NOS1AP: variants seen among roughly 807,000 people sequenced by gnomAD.
NOS1AP encodes the protein carboxyl-terminal PDZ ligand of neuronal nitric oxide synthase protein.
Under a neutral mutation model 56.2 loss-of-function variants are expected in NOS1AP, and 21 were observed. The ratio of observed to expected loss-of-function variants is 0.37; its 90% CI spans 0.26 to 0.54. The LOEUF (loss-of-function observed/expected upper bound fraction) is 0.54, where lower values mean the gene tolerates loss of function less well. NOS1AP is among the 20% of genes least tolerant of loss of function. The pLI is 0.84. For missense variants in NOS1AP, 522 were observed against 657.8 expected (o/e 0.79, Z 2.26); for synonymous variants, 270 against 274.6 (o/e 0.98, Z 0.17).
chr1:162,240,409 A>G (rs1038104777), intron 2 of NOS1AP, among the ~76,000 whole-genome samples: 14 of 152,308 alleles, frequency 9.2e-5, no homozygotes, highest in Admixed American at 5.9e-4. Flanking sequence ...TTTTTGGCTT[A>G]TACATTCTGC....
chr1:162,305,132 A>G (rs1273209577), intron 4 of NOS1AP, among the ~76,000 whole-genome samples: 1 of 152,144 alleles, frequency 6.6e-6, no homozygotes, highest in East Asian at 1.9e-4. Flanking sequence ...TTGTGGTGAA[A>G]TAAATATATA....
intron 2 of NOS1AP, among the ~76,000 whole-genome samples, chr1:162,164,375 C>T (rs1157872134): frequency 2.0e-5 from 3 of 152,206 alleles, no homozygotes; most frequent in Non-Finnish European, 4.4e-5. Flanking sequence ...ACACACACAA[C>T]ATAATTATCA....
chr1:162,311,837 G>T (rs1210269027), intron 4 of NOS1AP, among the ~76,000 whole-genome samples: 3 of 143,154 alleles, frequency 2.1e-5, no homozygotes, highest in Non-Finnish European at 4.6e-5. Context: ...GCGGTGTTTG[G>T]TTTTTTGTTC....
intron 1 of NOS1AP, among the ~76,000 whole-genome samples, chr1:162,117,931 A>G (rs1571026684): frequency 6.6e-6 from 1 of 152,288 alleles, no homozygotes; most frequent in South Asian, 2.1e-4. Context: ...GGACAGGTCC[A>G]CATATCTGTC....
chr1:162,273,227 G>A (rs890629464), intron 2 of NOS1AP, among the ~76,000 whole-genome samples: 1 of 144,688 alleles, frequency 6.9e-6, no homozygotes, highest in Admixed American at 7.2e-5. Flanking sequence ...GCAGTGGCGC[G>A]ATCTCGGCTC....
At position 162,367,048 on chromosome 1, in the gene NOS1AP, G is replaced by T. The variant is rs1162535929; in HGVS notation, c.1106-4G>T. 3.0e-5 allele frequency: 49 copies of T among 1,613,842 alleles called. No individual in the cohort carries two copies. Among genetic ancestry groups the T allele is most frequent in the Non-Finnish European group, 4.1e-5 (48 of 1,180,000 alleles). ...CCCTCTGCTACCTCTTGTCTCCCCT[G>T]CAGTGGGCTCCCAGGACAGCTTGCT... On this transcript the variant is annotated splice_region_variant and splice_polypyrimidine_tract_variant and intron_variant, in intron 9 of 9. Transcript: ENST00000361897. The surrounding 1 kb of genome is among the most constrained non-coding windows in gnomAD (Gnocchi z 6.5).
chr1:162,182,421 G>A (rs1651292887), intron 2 of NOS1AP, among the ~76,000 whole-genome samples: 1 of 152,186 alleles, frequency 6.6e-6, no homozygotes, highest in Admixed American at 6.5e-5. Context: ...TGATGTTGAT[G>A]GCTACTGACT....
chr1:162,365,349 C>A, intron 8 of NOS1AP, 55 bp from the exon 9 acceptor site: 2 of 1,612,332 alleles, frequency 1.2e-6, no homozygotes, highest in South Asian at 1.1e-5. Flanking sequence ...CATGTGCATT[C>A]ATGTCCCTCT....
intron 1 of NOS1AP, among the ~76,000 whole-genome samples, chr1:162,109,999 A>G (rs1647652905): frequency 6.6e-6 from 1 of 152,290 alleles, no homozygotes; most frequent in Admixed American, 6.5e-5. Context: ...CCTGTTTTCC[A>G]ATTTCCAAAT....
intron 2 of NOS1AP, among the ~76,000 whole-genome samples, chr1:162,277,423 A>T (rs959191558): frequency 6.6e-6 from 1 of 151,824 alleles, no homozygotes; most frequent in Non-Finnish European, 1.5e-5. Flanking sequence ...ACCTTTCATT[A>T]TACCACGAAT....
At chr1:162,310,793 C>A (rs1656000984) in intron 4 of NOS1AP, among the ~76,000 whole-genome samples, 1 of 152,144 alleles carries the variant, frequency 6.6e-6, no homozygotes. Context: ...CCCTCACTTT[C>A]CATAGGTGAC....
At chr1:162,143,578 C>T (rs1320219828) in intron 1 of NOS1AP, among the ~76,000 whole-genome samples, 1 of 152,140 alleles carries the variant, frequency 6.6e-6, no homozygotes, top group African/African-American at 2.4e-5. Flanking sequence ...CCATGGCCTC[C>T]TGATTAGCTG....
chr1:162,304,780 C>CTGTGTGTGTGTGTG (rs3055849), intron 4 of NOS1AP, among the ~76,000 whole-genome samples: 1 of 146,192 alleles, frequency 6.8e-6, no homozygotes, highest in South Asian at 2.2e-4. Flanking sequence ...ATTTTTATAT[C>CTGTGTGTGTGTGTG]TGTGTGTGTG....
Position 162,355,221 on chromosome 1 carries a change from G to A in NOS1AP, c.630G>A (p.Thr210=), listed in dbSNP as rs371610900. 3.6e-5 allele frequency: 58 copies of A among 1,613,984 alleles called. No homozygotes were observed. The highest frequency in any genetic ancestry group is 5.3e-5 in the African/African-American group (4 of 74,896). ...RQLTGAERAS[T]ATAEETDIDA... ...TCACTGGAGCCGAGAGGGCCTCCAC[G>A]GCCACTGCAGAGGAGACTGACATCG... The change falls in exon 7 of 10, where the codon ACG becomes ACA. Residue 210 remains threonine, a synonymous_variant. Coordinates refer to ENST00000361897, the MANE Select transcript of NOS1AP (RefSeq NM_014697.3).
At chr1:162,113,015 T>C (rs1290787720) in intron 1 of NOS1AP, among the ~76,000 whole-genome samples, 4 of 152,194 alleles carry the variant, frequency 2.6e-5, no homozygotes, top group Non-Finnish European at 5.9e-5. Context: ...TGTGCTTTGT[T>C]TGCAGTTCTG....
intron 3 of NOS1AP, among the ~76,000 whole-genome samples, chr1:162,290,636 C>T (rs903851472): frequency 9.2e-5 from 14 of 152,162 alleles, no homozygotes; most frequent in African/African-American, 2.9e-4. Flanking sequence ...TATATTCAGC[C>T]GTGAGGCAAT....
At chr1:162,183,196 G>A (rs1651319968) in intron 2 of NOS1AP, among the ~76,000 whole-genome samples, 1 of 152,194 alleles carries the variant, frequency 6.6e-6, no homozygotes, top group African/African-American at 2.4e-5. Context: ...GAGATCTTGG[G>A]TAACCAGGTG....
At chr1:162,226,594 C>A (rs1489755526) in intron 2 of NOS1AP, among the ~76,000 whole-genome samples, 1 of 152,142 alleles carries the variant, frequency 6.6e-6, no homozygotes, top group Admixed American at 6.5e-5. Flanking sequence ...AACAGAGTAA[C>A]CTGATTTAAT....
chr1:162,342,433 T>C (rs1208359227), intron 5 of NOS1AP: 1 of 442,786 alleles, frequency 2.3e-6, no homozygotes, highest in Non-Finnish European at 4.6e-6. Flanking sequence ...AGAAGGAACA[T>C]AGAAATGACT....
Sources: gnomAD v4.1 joint callset for allele counts (sites outside exome capture counted in the v4.1 genomes callset) on GRCh38, gnomAD v4.1.1 for gene constraint, Gnocchi (gnomAD v3.1) non-coding constraint, MANE v1.5 for transcripts, NCBI Gene and HGNC (gene_info 2026-07-23, HGNC 2026-07-21) for gene names.